Variants in SACS observed in about 807,000 individuals in gnomAD.
SACS encodes the protein sacsin molecular chaperone.
SACS carries 197 observed loss-of-function variants against 348.0 expected under a neutral mutation model. That is an observed-to-expected ratio of 0.57 (90% CI 0.50 to 0.64). The LOEUF (loss-of-function observed/expected upper bound fraction) is 0.64, where lower values mean the gene tolerates loss of function less well. Among genes scored for constraint, SACS ranks in the 30% least tolerant of loss-of-function variants. SACS has a pLI of 0.00. For missense variants in SACS, 4,999 were observed against 5,360.8 expected (o/e 0.93, Z 2.11); for synonymous variants, 1,985 against 1,910.6 (o/e 1.04, Z -1.02).
chr13:23,417,167 T>C (rs1341677026), intron 1 of SACS, among the ~76,000 whole-genome samples: 2 of 152,070 alleles, frequency 1.3e-5, no homozygotes, highest in African/African-American at 4.8e-5. Flanking sequence ...AAGAAGAAAA[T>C]CTATGAACTT....
intron 2 of SACS, among the ~76,000 whole-genome samples, chr13:23,407,107 A>G (rs550600983): frequency 3.9e-5 from 6 of 152,344 alleles, no homozygotes; most frequent in Admixed American, 1.3e-4. Context: ...TGCCATCCTC[A>G]TTCTGCCACC....
At chr13:23,374,556 C>T (rs946024926) in intron 3 of SACS, among the ~76,000 whole-genome samples, 4 of 152,200 alleles carry the variant, frequency 2.6e-5, no homozygotes, top group Admixed American at 2.6e-4. Flanking sequence ...AGAATTTTAA[C>T]CAATCTTAAA....
At chr13:23,347,701 A>G (rs970492664) in intron 9 of SACS, among the ~76,000 whole-genome samples, 4 of 152,198 alleles carry the variant, frequency 2.6e-5, no homozygotes, top group Non-Finnish European at 5.9e-5. Context: ...AACAGGTACC[A>G]GTGTGTGAGT....
In SACS at chr13:23,337,819, A is replaced by G. The variant is rs1170458264; in HGVS notation, c.6057T>C (p.Thr2019=). ...FKIFLKYLKK[T]GSKNLCAVEL... ...CAACAGCACAAAGGTTTTTGGACCCAGTCTTCTTGAGGTATTTCAAAAATA... is the reference window on the plus strand; with the variant it reads ...CAACAGCACAAAGGTTTTTGGACCCGGTCTTCTTGAGGTATTTCAAAAATA... Residue 2019 remains threonine, a synonymous_variant, in exon 10 of 10, where the codon ACT becomes ACC. Transcript: ENST00000382292. 9.3e-6 allele frequency: 15 copies of G among 1,613,916 alleles called. No homozygotes were observed. Among genetic ancestry groups the G allele is most frequent in the Non-Finnish European group, 1.3e-5 (15 of 1,179,940 alleles).
intron 2 of SACS, among the ~76,000 whole-genome samples, chr13:23,408,910 C>G (rs887499466): frequency 6.9e-6 from 1 of 144,328 alleles, no homozygotes; most frequent in Non-Finnish European, 1.5e-5. Context: ...TGCAGTGAGC[C>G]GAGATTGCGC....
rs375352514 is a variant in SACS, at chr13:23,355,148, C to T, written c.1464G>A (p.Pro488=). The change falls in exon 8 of 10, where the codon CCG becomes CCA. Residue 488 remains proline (P), a synonymous_variant. Coordinates refer to ENST00000382292, the MANE Select transcript of SACS (RefSeq NM_014363.6). ...KWRELDQWRD[P]AALWNEFLVM... is the part of the protein sequence containing the mutation. ...CAAGAAACTCATTCCATAAGGCTGC[C>T]GGGTCTCTCCACTGGTCCAGCTCTC... is the stretch of plus-strand genomic sequence containing the variant. The T allele has an allele frequency of 3.6e-5, 58 of 1,614,050 alleles. 1 individual carries two copies. Among genetic ancestry groups the T allele is most frequent in the African/African-American group, 1.7e-4 (13 of 74,924 alleles).
chr13:23,362,841 C>T (rs1406470269), intron 6 of SACS, among the ~76,000 whole-genome samples: 3 of 152,104 alleles, frequency 2.0e-5, no homozygotes, highest in African/African-American at 7.2e-5. Context: ...CTGCCTCAGC[C>T]TCTCAAAGTG....
At position 23,338,923 on chromosome 13, in the gene SACS, T is replaced by C. The variant is rs1251156242; in HGVS notation, c.4953A>G (p.Gln1651=). Residue 1651 remains glutamine, a synonymous_variant, in exon 10 of 10, where the codon CAA becomes CAG. Transcript: ENST00000382292. ...TAACTTCACTCACTTTTGCTTCCTG[T>C]TGAGTTCTAAAGGACAGTCGGAAAA... ...GTLFRLSFRT[Q]QEAKVSEVSS... is the part of the protein sequence containing the mutation. The C allele has an allele frequency of 6.2e-6, 10 of 1,613,524 alleles. No homozygotes were observed. Among genetic ancestry groups the C allele is most frequent in the Non-Finnish European group, 8.5e-6 (10 of 1,179,738 alleles).
chr13:23,335,232 G>C lies in SACS; in HGVS notation c.8644C>G (p.His2882Asp). Residue 2882 changes from histidine (H) to aspartate (D), a missense_variant, in exon 10 of 10, where the codon CAT becomes GAT. By Grantham distance (81) the His-to-Asp change is moderately conservative. Around this residue, in one of 6 missense-constraint regions of SACS, gnomAD observed 21 missense variants for 51.8 expected, o/e 0.41. Coordinates refer to ENST00000382292, the MANE Select transcript of SACS (RefSeq NM_014363.6). This position sits in a 1 kb window ranked among gnomAD's most constrained non-coding sequence, Gnocchi z 4.7. ...TCCAGTGCAAAGTGGCCATTCACAT[G>C]AAATGGCAGCCCAGTCTCCAAAGAA... ...PLSLETGLPF[H>D]VNGHFALDSA... is the part of the protein sequence containing the mutation. The C allele has an allele frequency of 6.2e-7, 1 of 1,613,910 alleles. No individual in the cohort carries two copies. The highest frequency in any genetic ancestry group is 1.3e-5 in the African/African-American group (1 of 75,028).
intron 2 of SACS, among the ~76,000 whole-genome samples, chr13:23,404,059 G>A (rs993808596): frequency 3.3e-5 from 5 of 152,210 alleles, no homozygotes; most frequent in Admixed American, 2.0e-4. Flanking sequence ...GCGGTTTTGA[G>A]TGAGTTTCTT....
intron 2 of SACS, among the ~76,000 whole-genome samples, chr13:23,383,506 C>T: frequency 6.6e-6 from 1 of 152,322 alleles, no homozygotes; most frequent in South Asian, 2.1e-4. Flanking sequence ...CTCCATCCCT[C>T]CTTCCTGAAC....
chr13:23,433,350 C>G (rs1165056058), intron 1 of SACS, among the ~76,000 whole-genome samples: 2 of 152,194 alleles, frequency 1.3e-5, no homozygotes, highest in Non-Finnish European at 2.9e-5. Flanking sequence ...AATTCACAAG[C>G]AGCCAACCCA....
At position 23,355,223 on chromosome 13, in the gene SACS, G is replaced by A. The variant is rs1870277384; in HGVS notation, c.1389C>T (p.His463=). The change falls in exon 8 of 10, where the codon CAC becomes CAT. Residue 463 remains histidine (H), a synonymous_variant. Coordinates refer to ENST00000382292, the MANE Select transcript of SACS (RefSeq NM_014363.6). The part of the protein sequence containing the change: ...GEESSTGLPV[H]ISGFFGLTDN... ...CAGTAAGGCCAAAGAACCCACTGAT[G>A]TGAACTGGGAGGCCTGTGCTGCTTT... 3 of 1,614,106 alleles carry A rather than the reference G, an allele frequency of 1.9e-6. No homozygotes were observed. The highest frequency in any genetic ancestry group is 2.5e-6 in the Non-Finnish European group (3 of 1,180,042).
intron 5 of SACS, among the ~76,000 whole-genome samples, chr13:23,367,387 G>C (rs1359588932): frequency 3.9e-5 from 6 of 152,042 alleles, no homozygotes; most frequent in African/African-American, 1.4e-4. Context: ...TTCCCTCACA[G>C]TTTACAATCT....
chr13:23,398,407 G>T (rs1276010781), intron 2 of SACS, among the ~76,000 whole-genome samples: 1 of 151,182 alleles, frequency 6.6e-6, no homozygotes, highest in Non-Finnish European at 1.5e-5. Context: ...GGTGGTGCAT[G>T]CCTGTAGTTC....
rs1870237031 is a variant in SACS, at chr13:23,354,863, A to G, written c.1749T>C (p.Asn583=). 2 of 1,613,950 alleles carry G rather than the reference A, an allele frequency of 1.2e-6. No individual in the cohort carries two copies. The highest frequency in any genetic ancestry group is 1.3e-5 in the African/African-American group (1 of 74,856). Reference sequence around the variant, plus strand: ...TGAGCACAGTTTTTGTGTATTCTAAATTTTCATCAAGTTCTGAGAAGTACA... The same window carrying G: ...TGAGCACAGTTTTTGTGTATTCTAAGTTTTCATCAAGTTCTGAGAAGTACA... The part of the protein sequence containing the change: ...EQVYFSELDE[N]LEYTKTVLNY... The change falls in exon 8 of 10, where the codon AAT becomes AAC. Residue 583 remains asparagine, a synonymous_variant. Transcript: ENST00000382292.
At position 23,329,832 on chromosome 13, in the gene SACS, A is replaced by T; in HGVS notation, c.*304T>A. 4.0e-6 allele frequency: 2 copies of T among 494,322 alleles called. No individual in the cohort carries two copies. The highest frequency in any genetic ancestry group is 7.5e-5 in the East Asian group (2 of 26,726). 30.6% of individuals were successfully genotyped at this position (494,322 alleles called of 1,614,324 possible). A position where few individuals can be genotyped will look rare whatever the true frequency, so the allele number is the denominator to read the frequency against. On this transcript the variant is annotated 3_prime_UTR_variant, in exon 10 of 10. Transcript: ENST00000382292. ...TCATCCTAACCAGAGACATACATAG[A>T]CTCTTATCTAACAAACTGCTAAGCT...
rs779080623 is a variant in SACS, at chr13:23,354,981, T to C, written c.1631A>G (p.His544Arg). ...LWPEASKVKV[H>R]WQPVLEPLFS... ...TAGAGGCTCTAACACCGGTTGCCAG[T>C]GCACCTTGACTTTGCTCGCCTCCGG... The change falls in exon 8 of 10, where the codon CAC (histidine) becomes CGC (arginine). Residue 544 changes from histidine to arginine, a missense_variant. Transcript: ENST00000382292. 2 of 1,614,260 alleles carry C rather than the reference T, an allele frequency of 1.2e-6. No homozygotes were observed. Among genetic ancestry groups the C allele is most frequent in the Admixed American group, 1.7e-5 (1 of 60,036 alleles).
intron 9 of SACS, among the ~76,000 whole-genome samples, chr13:23,348,432 C>G (rs1647993020): frequency 6.6e-6 from 1 of 152,198 alleles, no homozygotes; most frequent in Non-Finnish European, 1.5e-5. Context: ...CCACCCAGCC[C>G]AGCAGCTGAA....
Sources: gnomAD v4.1 joint callset for allele counts (sites outside exome capture counted in the v4.1 genomes callset) on GRCh38, gnomAD v4.1.1 for gene constraint, gnomAD v4.1.1 regional missense constraint, Gnocchi (gnomAD v3.1) non-coding constraint, MANE v1.5 for transcripts, NCBI Gene and HGNC (gene_info 2026-07-23, HGNC 2026-07-21) for gene names.